Variants in JAK2 observed in about 807,000 individuals in gnomAD.
JAK2 encodes Janus kinase 2, also known as tyrosine-protein kinase JAK2.
A neutral mutation model predicts 139.3 loss-of-function variants in JAK2; 86 were observed. That is an observed-to-expected ratio of 0.62 (90% CI 0.52 to 0.74). The LOEUF (loss-of-function observed/expected upper bound fraction) is 0.74, where lower values mean the gene tolerates loss of function less well. Among genes scored for constraint, JAK2 ranks in the 30% least tolerant of loss-of-function variants. The pLI is 0.00. For synonymous variants in JAK2, 490 were observed against 437.7 expected (o/e 1.12, Z -1.49); for missense variants, 1,421 against 1,360.3 (o/e 1.04, Z -0.70).
chr9:5,089,484 G>C (rs1260575883), intron 19 of JAK2, among the ~76,000 whole-genome samples, 190 bp from the exon 20 acceptor site: 2 of 139,034 alleles, frequency 1.4e-5, no homozygotes, highest in Non-Finnish European at 3.0e-5. Context: ...CTTGCAGTGA[G>C]CCGAGATCGT....
chr9:5,071,043 G>A (rs147324966), intron 12 of JAK2, among the ~76,000 whole-genome samples: 5 of 152,240 alleles, frequency 3.3e-5, no homozygotes, highest in Non-Finnish European at 5.9e-5. Flanking sequence ...TTTTAACTGC[G>A]CTTCTGGTGA....
At chr9:5,074,529 G>T (rs1203641330) in intron 14 of JAK2, among the ~76,000 whole-genome samples, 1 of 152,004 alleles carries the variant, frequency 6.6e-6, no homozygotes, top group Non-Finnish European at 1.5e-5. Flanking sequence ...ATTATTCTGG[G>T]GTGTCCCAAA....
At chr9:5,053,033 C>T (rs1359179845) in intron 6 of JAK2, among the ~76,000 whole-genome samples, 1 of 151,966 alleles carries the variant, frequency 6.6e-6, no homozygotes, top group African/African-American at 2.4e-5. Context: ...ATTCCTGGAA[C>T]ATATGGTAAC....
chr9:5,107,265 C>CCTA (rs1250026858), intron 22 of JAK2, among the ~76,000 whole-genome samples: 1 of 151,890 alleles, frequency 6.6e-6, no homozygotes, highest in African/African-American at 2.4e-5. Flanking sequence ...CCTTACTGGC[C>CCTA]CTACTACTAC....
intron 2 of JAK2, among the ~76,000 whole-genome samples, chr9:5,005,040 T>C (rs7863708): frequency 0.96 from 141,036 of 147,422 alleles, 67,527 homozygotes; most frequent in East Asian, 1. Context: ...CTTCAGCCTC[T>C]TGAGTAGTTG....
rs1283341635 is a variant in JAK2 at position 5,119,686 on chromosome 9, TA to T, written c.3060-3317del. 1.8e-4 allele frequency among the ~76,000 whole-genome samples: 28 copies of T among 152,082 alleles called. 1 individual carries two copies. The highest frequency in any genetic ancestry group is 1.8e-3 in the Admixed American group (28 of 15,256). ...ATGGTCATTCCTTCAGTAAATGTGT[TA>T]GGGGGAGGTATGAAGTGAATTCTGA... On this transcript the variant is annotated intron_variant, in intron 22 of 24. Transcript: ENST00000381652.
intron 2 of JAK2, among the ~76,000 whole-genome samples, chr9:4,996,714 G>A (rs769005626): frequency 5.1e-4 from 78 of 151,700 alleles, no homozygotes; most frequent in Non-Finnish European, 8.1e-4. Context: ...ACCCCTCCCT[G>A]CCACAGACTT....
intron 2 of JAK2, among the ~76,000 whole-genome samples, chr9:5,017,972 C>G (rs1311693742): frequency 6.6e-6 from 1 of 152,150 alleles, no homozygotes; most frequent in East Asian, 1.9e-4. Context: ...CCTTTACTTT[C>G]AGTCTATGTG....
intron 4 of JAK2, among the ~76,000 whole-genome samples, chr9:5,036,514 G>T (rs1021091435): frequency 6.6e-6 from 1 of 152,150 alleles, no homozygotes; most frequent in South Asian, 2.1e-4. Context: ...GCATGGTACT[G>T]GTATCAAAAC....
intron 4 of JAK2, among the ~76,000 whole-genome samples, chr9:5,038,260 G>A (rs967873638): frequency 2.0e-5 from 3 of 152,124 alleles, no homozygotes; most frequent in Non-Finnish European, 2.9e-5. Context: ...AGAACAGAAA[G>A]TTTGAATAGG....
At chr9:5,083,928 A>G (rs79518593) in intron 19 of JAK2, among the ~76,000 whole-genome samples, 2,891 of 152,266 alleles carry the variant, frequency 0.019, 80 homozygotes, top group African/African-American at 0.065. Flanking sequence ...ACAATTCTAT[A>G]TCTTGCTATT....
At chr9:4,997,322 G>C (rs960094442) in intron 2 of JAK2, among the ~76,000 whole-genome samples, 1 of 152,152 alleles carries the variant, frequency 6.6e-6, no homozygotes, top group African/African-American at 2.4e-5. Flanking sequence ...TGGTTCTGCA[G>C]GCTTACAAGC....
In JAK2 at chr9:5,022,091, T is replaced by C. The variant is rs761588246; in HGVS notation, c.104T>C (p.Ile35Thr). ...GGAAATGCCAATTCTATGAAGCAAA[T>C]AGATCCAGTTCTTCAGGTGTATCTT... ...ISGNANSMKQ[I>T]DPVLQVYLYH... The change falls in exon 3 of 25, where the codon ATA becomes ACA. Residue 35 changes from isoleucine (I) to threonine (T), a missense_variant. Transcript: ENST00000381652. The C allele has an allele frequency of 5.3e-5, 85 of 1,613,656 alleles. No individual in the cohort carries two copies. The highest frequency in any genetic ancestry group is 6.8e-5 in the Non-Finnish European group (80 of 1,179,666).
chr9:5,082,377 T>C (rs1234468260), intron 19 of JAK2, among the ~76,000 whole-genome samples: 1 of 152,222 alleles, frequency 6.6e-6, no homozygotes, highest in Non-Finnish European at 1.5e-5. Context: ...TTTATGCTTC[T>C]CTCCACCCAA....
In JAK2 at chr9:5,081,674, C is replaced by T. The variant is rs910898185; in HGVS notation, c.2435-51C>T. ...AACTTGAATGTATATCAGTTTAGTC[C>T]AGAGAATGTTATTTGCTAATTTAAG... On this transcript the variant is annotated intron_variant, in intron 18 of 24. Transcript: ENST00000381652. 7 of 1,358,538 alleles carry T rather than the reference C, an allele frequency of 5.2e-6. No homozygotes were observed. The Admixed American group carries it at 5.2e-5, about 10-fold the overall frequency. The allele number at this position is 1,358,538 out of a possible 1,614,324, so 84.2% of individuals were successfully genotyped here. A position where few individuals can be genotyped will look rare whatever the true frequency, so the allele number is the denominator to read the frequency against.
chr9:5,040,920 G>A (rs551436014), intron 4 of JAK2: 56 of 334,430 alleles, frequency 1.7e-4, no homozygotes, highest in African/African-American at 1.2e-3. Flanking sequence ...AGACGCTGCC[G>A]GCAGCCTGGC....
rs1028639302 is a variant in JAK2 at position 5,015,863 on chromosome 9, T to C, written c.-25-6100T>C. Among the ~76,000 whole-genome samples, 28 of 152,080 alleles carry C rather than the reference T, an allele frequency of 1.8e-4. 1 individual carries two copies. The highest frequency in any genetic ancestry group is 1.8e-3 in the Admixed American group (28 of 15,264). On this transcript the variant is annotated intron_variant, in intron 2 of 24. Transcript: ENST00000381652. The stretch of plus-strand genomic sequence containing the variant: ...GATTTCCAGTTACCATCCTTTCTGT[T>C]CTAAACACGATTGTGTCATATTAAA...
At chr9:5,093,382 C>G (rs1190470176) in intron 22 of JAK2, among the ~76,000 whole-genome samples, 3 of 152,162 alleles carry the variant, frequency 2.0e-5, no homozygotes, top group Non-Finnish European at 2.9e-5. Context: ...GCAAAGGTAA[C>G]ATAATCACTT....
chr9:5,013,883 A>G (rs1219842598), intron 2 of JAK2, among the ~76,000 whole-genome samples: 2 of 152,158 alleles, frequency 1.3e-5, no homozygotes, highest in African/African-American at 4.8e-5. Context: ...TTATTATACA[A>G]GTGAGGAAGC....
Sources: gnomAD v4.1 joint callset for allele counts (sites outside exome capture counted in the v4.1 genomes callset) on GRCh38, gnomAD v4.1.1 for gene constraint, MANE v1.5 for transcripts, NCBI Gene and HGNC (gene_info 2026-07-23, HGNC 2026-07-21) for gene names.